SMAD4: variants seen among roughly 807,000 people sequenced by gnomAD.
The protein encoded by SMAD4 is SMAD family member 4.
In SMAD4, 7 loss-of-function variants were observed where a neutral mutation model predicts 63.2. That is an observed-to-expected ratio of 0.11 (90% confidence interval 0.06 to 0.21). The LOEUF is 0.21. SMAD4 is among the 10% of genes least tolerant of loss of function. SMAD4 has a pLI of 1.00. For synonymous variants in SMAD4, 215 were observed against 235.4 expected, an observed-to-expected ratio of 0.91 and a Z score of 0.79; for missense variants, 312 against 693.8, an observed-to-expected ratio of 0.45 and a Z score of 6.18.
At chr18:51,059,132 A>G (rs1040810065) in intron 7 of SMAD4, among the ~76,000 whole-genome samples, 3 of 152,216 alleles carry the variant, frequency 2.0e-5, no homozygotes, top group Non-Finnish European at 4.4e-5. Context: ...CCAGTCATAT[A>G]AACAGGTATA....
At chr18:51,039,630 C>G (rs1909315108) in intron 1 of SMAD4, among the ~76,000 whole-genome samples, 1 of 151,938 alleles carries the variant, frequency 6.6e-6, no homozygotes, top group Non-Finnish European at 1.5e-5. Context: ...CCCACCTGGC[C>G]AGATGGGGAG....
chr18:51,070,480 T>C (rs1196542396), intron 10 of SMAD4, among the ~76,000 whole-genome samples: 3 of 152,206 alleles, frequency 2.0e-5, no homozygotes, highest in African/African-American at 7.2e-5. Context: ...TAACTAAGAT[T>C]TTAAAATAAT....
At position 51,082,131 on chromosome 18, in the gene SMAD4, G is replaced by T. The variant is rs1910625533; in HGVS notation, c.*3664G>T. 1 of 229,854 alleles carries T rather than the reference G, an allele frequency of 4.4e-6. No individual in the cohort carries two copies. The highest frequency in any genetic ancestry group is 2.2e-5 in the African/African-American group (1 of 45,172). 14.2% of individuals were successfully genotyped at this position (229,854 alleles called of 1,614,324 possible). A position where few individuals can be genotyped will look rare whatever the true frequency, so the allele number is the denominator to read the frequency against. ...GGGAAAATGGCAAATTTAGGTTACG[G>T]AGGTAAATGAGTATATGAAAGCAAT... On this transcript the variant is annotated 3_prime_UTR_variant, in exon 12 of 12. Transcript: ENST00000342988.
chr18:51,059,818 G>A, intron 7 of SMAD4, 48 bp from the exon 8 acceptor site: 1 of 1,424,216 alleles, frequency 7.0e-7, no homozygotes, highest in Non-Finnish European at 9.9e-7. Flanking sequence ...TTTAGCATTA[G>A]ACAACTTTTA....
At chr18:51,050,436 G>A (rs1045903990) in intron 4 of SMAD4, among the ~76,000 whole-genome samples, 3 of 151,784 alleles carry the variant, frequency 2.0e-5, no homozygotes, top group African/African-American at 7.3e-5. Flanking sequence ...GAGGAGGGCG[G>A]ATCACGAGGT....
chr18:51,051,311 T>C (rs1909705452), intron 4 of SMAD4: 1 of 454,694 alleles, frequency 2.2e-6, no homozygotes, highest in Admixed American at 2.4e-5. Flanking sequence ...ATCCCCCTAG[T>C]GGTGGTTTTG....
chr18:51,061,710 AT>A (rs1910020212), intron 8 of SMAD4, among the ~76,000 whole-genome samples: 1 of 152,144 alleles, frequency 6.6e-6, no homozygotes, highest in South Asian at 2.1e-4. Context: ...ATTCTATATT[AT>A]TTTGAAGCAA....
At chr18:51,046,151 A>G (rs1909536153) in intron 1 of SMAD4, among the ~76,000 whole-genome samples, 1 of 152,150 alleles carries the variant, frequency 6.6e-6, no homozygotes, top group African/African-American at 2.4e-5. Flanking sequence ...TTGCTGGGTC[A>G]TATTTACTCT....
rs34008927 is a variant in SMAD4, at chr18:51,033,186, A to ATT, written c.-128+2583_-128+2584dup. Among the ~76,000 whole-genome samples the ATT allele has an allele frequency of 4.4e-3, 512 of 117,270 alleles. 13 individuals carry two copies. The highest frequency in any genetic ancestry group is 9.8e-3 in the East Asian group (40 of 4,072). 76.9% of individuals were successfully genotyped at this position (117,270 alleles called of 152,430 possible). On this transcript the variant is annotated intron_variant, in intron 1 of 11. Transcript: ENST00000342988. Reference sequence around the variant, plus strand: ...AGGACTTACACCAGCATAACACAGCATTTTTTTTTTTTTTTTTTTTTGAGA... The same window carrying ATT: ...AGGACTTACACCAGCATAACACAGCATTTTTTTTTTTTTTTTTTTTTTTGAGA...
At chr18:51,041,820 A>AT (rs1568201433) in intron 1 of SMAD4, among the ~76,000 whole-genome samples, 1 of 152,210 alleles carries the variant, frequency 6.6e-6, no homozygotes, top group Admixed American at 6.5e-5. Context: ...CCTAAGCAGA[A>AT]AATAAGCTTT....
chr18:51,040,440 T>A (rs1167542755), intron 1 of SMAD4, among the ~76,000 whole-genome samples: 2 of 152,224 alleles, frequency 1.3e-5, no homozygotes, highest in South Asian at 2.1e-4. Context: ...AAAAAAATTT[T>A]AAGCACTTTT....
At chr18:51,063,863 G>A (rs1910081848) in intron 8 of SMAD4, among the ~76,000 whole-genome samples, 2 of 152,218 alleles carry the variant, frequency 1.3e-5, no homozygotes, top group Non-Finnish European at 2.9e-5. Flanking sequence ...GAGTGACATG[G>A]CAAAACATTT....
intron 5 of SMAD4, among the ~76,000 whole-genome samples, chr18:51,056,778 AAGGG>A (rs1466996842): frequency 4.6e-5 from 7 of 152,158 alleles, no homozygotes; most frequent in African/African-American, 1.7e-4. Flanking sequence ...AGAATTGTAT[AAGGG>A]AAGTATTCAG....
Position 51,076,734 on chromosome 18 carries a change from A to C in SMAD4, c.1405A>C (p.Ile469Leu), listed in dbSNP as rs876658851. Residue 469 changes from isoleucine to leucine, a missense_variant, in exon 11 of 12, where the codon ATC becomes CTC. By Grantham distance (5) the Ile-to-Leu change is conservative (BLOSUM62 2). Transcript: ENST00000342988. ...CCAGGCAGCAGCCGTGGCAGGAAAC[A>C]TCCCTGGCCCAGGATCAGTAGGTGG... ...AAQAAAVAGN[I>L]PGPGSVGGIA... 6.2e-7 allele frequency: 1 copy of C among 1,613,610 alleles called. No homozygotes were observed. Among genetic ancestry groups the C allele is most frequent in the South Asian group, 1.1e-5 (1 of 91,066 alleles).
chr18:51,073,389 A>ATATATATATAT (rs1568210358), intron 10 of SMAD4, among the ~76,000 whole-genome samples: 2 of 40,630 alleles, frequency 4.9e-5, no homozygotes, highest in Non-Finnish European at 8.7e-5. Flanking sequence ...ATATATATAT[A>ATATATATATAT]CACACACACA....
At chr18:51,033,481 C>T (rs1033318174) in intron 1 of SMAD4, among the ~76,000 whole-genome samples, 2 of 152,186 alleles carry the variant, frequency 1.3e-5, no homozygotes, top group African/African-American at 4.8e-5. Context: ...TGAGCCACTG[C>T]GCCTGTCCTA....
In SMAD4 at chr18:51,076,438, ATCT is replaced by A. The variant is rs1411617011; in HGVS notation, c.1309-195_1309-193del. ...CCAAAGCCATCATGATGTTGACATG[ATCT>A]TCTTGGTGAGCTCCAAGCCACCTTT... On this transcript the variant is annotated intron_variant, in intron 10 of 11. Transcript: ENST00000342988. 4.6e-5 allele frequency among the ~76,000 whole-genome samples: 7 copies of A among 152,330 alleles called. No individual in the cohort carries two copies. In the East Asian group the frequency reaches 9.6e-4, roughly 21 times the overall value.
At chr18:51,053,667 CAATTT>C (rs765471535) in intron 4 of SMAD4, 3 of 151,982 alleles carry the variant, frequency 2.0e-5, no homozygotes, top group East Asian at 3.9e-4. Context: ...AAACTAGTCT[CAATTT>C]AATAAAAAGT....
intron 10 of SMAD4, among the ~76,000 whole-genome samples, chr18:51,068,995 T>C (rs1910245691): frequency 6.6e-6 from 1 of 152,206 alleles, no homozygotes; most frequent in Non-Finnish European, 1.5e-5. Flanking sequence ...ATATTTGTTA[T>C]TTGTTTATAT....
Sources: gnomAD v4.1 joint callset for allele counts (sites outside exome capture counted in the v4.1 genomes callset) on GRCh38, gnomAD v4.1.1 for gene constraint, MANE v1.5 for transcripts, NCBI Gene and HGNC (gene_info 2026-07-23, HGNC 2026-07-21) for gene names.